The following GRID2 variants were observed in gnomAD, a reference collection of about 807,000 sequenced individuals.
GRID2 encodes glutamate receptor ionotropic, delta-2.
In GRID2, 33 loss-of-function variants were observed where a neutral mutation model predicts 114.8. That is an observed-to-expected ratio of 0.29 (90% CI 0.22 to 0.38). The LOEUF is 0.38. Among genes scored for constraint, GRID2 ranks in the 10% least tolerant of loss-of-function variants. The pLI is 1.00. For synonymous variants in GRID2, 505 were observed against 449.9 expected (o/e 1.12, Z -1.55); for missense variants, 1,184 against 1,257.7 (o/e 0.94, Z 0.89).
intron 14 of GRID2, among the ~76,000 whole-genome samples, chr4:93,752,508 C>A (rs947337890): frequency 2.0e-5 from 3 of 152,018 alleles, no homozygotes; most frequent in African/African-American, 7.2e-5. Flanking sequence ...GTAGCTGGGA[C>A]TACAGGCACC....
chr4:93,316,591 AGC>A (rs1756688698), intron 8 of GRID2, among the ~76,000 whole-genome samples: 1 of 152,182 alleles, frequency 6.6e-6, no homozygotes, highest in Non-Finnish European at 1.5e-5. Context: ...ATGTGCTTAG[AGC>A]TCTGATGGAA....
chr4:93,579,008 A>G (rs962273306), intron 13 of GRID2, among the ~76,000 whole-genome samples: 1 of 152,148 alleles, frequency 6.6e-6, no homozygotes, highest in Non-Finnish European at 1.5e-5. Flanking sequence ...ATTTCTGGAG[A>G]GCAATTAGAA....
intron 5 of GRID2, among the ~76,000 whole-genome samples, chr4:93,212,984 G>T (rs1743732800): frequency 6.6e-6 from 1 of 152,042 alleles, no homozygotes; most frequent in Admixed American, 6.6e-5. Flanking sequence ...TGTTGGCCAG[G>T]CTGGTCTCGA....
chr4:92,594,993 A>C (rs1006007917), intron 2 of GRID2, among the ~76,000 whole-genome samples: 2 of 152,006 alleles, frequency 1.3e-5, no homozygotes, highest in African/African-American at 2.4e-5. Flanking sequence ...AAGGTGAATG[A>C]AGTATGAATC....
intron 2 of GRID2, among the ~76,000 whole-genome samples, chr4:93,041,168 C>T (rs764213325): frequency 6.6e-6 from 1 of 151,934 alleles, no homozygotes; most frequent in Non-Finnish European, 1.5e-5. Flanking sequence ...TTCAAGGTAG[C>T]TGAAATTAGC....
chr4:92,743,844 A>G (rs898759899), intron 2 of GRID2, among the ~76,000 whole-genome samples: 1 of 152,192 alleles, frequency 6.6e-6, no homozygotes, highest in Non-Finnish European at 1.5e-5. Context: ...AAAAGTCTCA[A>G]CGAAATTGAG....
intron 8 of GRID2, 45 bp from the exon 9 acceptor site, chr4:93,395,562 C>A: frequency 2.4e-6 from 2 of 835,240 alleles, no homozygotes; most frequent in Non-Finnish European, 4.2e-6. Context: ...GGTGATGGGA[C>A]TGTTCTTCAG....
chr4:92,797,413 C>T (rs1269915278), intron 2 of GRID2, among the ~76,000 whole-genome samples: 1 of 151,922 alleles, frequency 6.6e-6, no homozygotes, highest in East Asian at 1.9e-4. Flanking sequence ...GCACATTATG[C>T]AGTATAGTGA....
At chr4:92,434,709 T>A (rs1323126669) in intron 1 of GRID2, among the ~76,000 whole-genome samples, 3 of 152,056 alleles carry the variant, frequency 2.0e-5, no homozygotes, top group Non-Finnish European at 4.4e-5. Context: ...GAAAAATGAA[T>A]AGCAAATTAA....
chr4:93,401,822 G>A (rs1765919568), intron 9 of GRID2, among the ~76,000 whole-genome samples: 2 of 152,040 alleles, frequency 1.3e-5, no homozygotes, highest in Non-Finnish European at 1.5e-5. Flanking sequence ...CCAAAGGAAG[G>A]ATTGTTTGCC....
At chr4:92,434,643 T>G (rs918095620) in intron 1 of GRID2, among the ~76,000 whole-genome samples, 1 of 152,164 alleles carries the variant, frequency 6.6e-6, no homozygotes, top group Non-Finnish European at 1.5e-5. Flanking sequence ...TAATTTTATA[T>G]TATTTAATTT....
chr4:93,195,832 T>C (rs1741431919), intron 4 of GRID2, among the ~76,000 whole-genome samples: 1 of 152,182 alleles, frequency 6.6e-6, no homozygotes, highest in Non-Finnish European at 1.5e-5. Flanking sequence ...TATGCAATCA[T>C]AAACGCTGAC....
chr4:93,314,303 C>CAAAAAAAAAAAAAAAA (rs56977080), intron 8 of GRID2, among the ~76,000 whole-genome samples: 2 of 54,144 alleles, frequency 3.7e-5, no homozygotes, highest in African/African-American at 6.8e-5. Flanking sequence ...GAGTCTGTCT[C>CAAAAAAAAAAAAAAAA]AAAAAAAAAA....
At chr4:93,546,470 A>T (rs937035512) in intron 13 of GRID2, among the ~76,000 whole-genome samples, 3 of 152,220 alleles carry the variant, frequency 2.0e-5, no homozygotes, top group Admixed American at 6.5e-5. Context: ...GACCTAGCAA[A>T]GAGGACCAAG....
intron 1 of GRID2, among the ~76,000 whole-genome samples, chr4:92,456,340 C>G (rs569661370): frequency 1.3e-5 from 2 of 152,094 alleles, no homozygotes; most frequent in South Asian, 2.1e-4. Context: ...AATGCACTCC[C>G]ATGAGAAATT....
At chr4:92,354,398 A>G (rs1728218855) in intron 1 of GRID2, among the ~76,000 whole-genome samples, 1 of 151,516 alleles carries the variant, frequency 6.6e-6, no homozygotes, top group Non-Finnish European at 1.5e-5. Flanking sequence ...GTAGCTGCCT[A>G]CTCTGTAATT....
chr4:93,779,263 G>A (rs1307118207), downstream of GRID2, among the ~76,000 whole-genome samples: 1 of 151,226 alleles, frequency 6.6e-6, no homozygotes, highest in East Asian at 1.9e-4. Context: ...CAAGGCTTCA[G>A]GGAGAATATT....
At chr4:93,383,430 A>G (rs1216525677) in intron 8 of GRID2, among the ~76,000 whole-genome samples, 1 of 152,176 alleles carries the variant, frequency 6.6e-6, no homozygotes, top group Non-Finnish European at 1.5e-5. Flanking sequence ...AAGAGCTTAA[A>G]TTGATCAAAA....
At chr4:92,764,578 T>G (rs1738170624) in intron 2 of GRID2, among the ~76,000 whole-genome samples, 1 of 152,214 alleles carries the variant, frequency 6.6e-6, no homozygotes, top group Admixed American at 6.5e-5. Context: ...CAGATTAAAT[T>G]ATCCCACTCC....
Sources: gnomAD v4.1 joint callset for allele counts (sites outside exome capture counted in the v4.1 genomes callset) on GRCh38, gnomAD v4.1.1 for gene constraint, MANE v1.5 for transcripts, NCBI Gene and HGNC (gene_info 2026-07-23, HGNC 2026-07-21) for gene names.